PFKFB3: variants seen among roughly 807,000 people sequenced by gnomAD.
PFKFB3 encodes the protein 6-phosphofructo-2-kinase/fructose-2,6-bisphosphatase 3.
A neutral mutation model predicts 68.0 loss-of-function variants in PFKFB3; 33 were observed. The observed-to-expected ratio is 0.49, with a 90% CI of 0.37 to 0.65. The LOEUF is 0.65. Ranked by LOEUF, PFKFB3 falls within the 30% of genes least tolerant of loss-of-function variation. The pLI is 0.00. For synonymous variants in PFKFB3, 315 were observed against 288.2 expected (o/e 1.09, Z -0.94); for missense variants, 586 against 712.2 (o/e 0.82, Z 2.02).
chr10:6,268,166 A>G, the PFKFB3 span, among the ~76,000 whole-genome samples: 3 of 151,738 alleles, frequency 2.0e-5, no homozygotes, highest in East Asian at 3.9e-4. Flanking sequence ...GGTTATGTTG[A>G]GATTAGGTGT....
chr10:6,286,464 G>A, the PFKFB3 span, among the ~76,000 whole-genome samples: 1 of 151,832 alleles, frequency 6.6e-6, no homozygotes, highest in Non-Finnish European at 1.5e-5. Context: ...TGCAACCTCT[G>A]CCTCCTGGGT....
At chr10:6,221,012 C>T (rs910387325) in intron 8 of PFKFB3, 147 bp downstream of exon 8, 3 of 765,420 alleles carry the variant, frequency 3.9e-6, no homozygotes, top group African/African-American at 1.7e-5. Context: ...TGCGCCTGCA[C>T]GTCTCTATGC....
chr10:6,312,774 C>A, the PFKFB3 span, among the ~76,000 whole-genome samples: 1 of 152,180 alleles, frequency 6.6e-6, no homozygotes, highest in Non-Finnish European at 1.5e-5. Context: ...AGTCAACTTC[C>A]AACACATGTC....
At chr10:6,218,244 G>A (rs1416948712) in intron 6 of PFKFB3, among the ~76,000 whole-genome samples, 1 of 152,090 alleles carries the variant, frequency 6.6e-6, no homozygotes, top group African/African-American at 2.4e-5. Flanking sequence ...TTGTCTGGTT[G>A]TCCACTAGCA....
the PFKFB3 span, among the ~76,000 whole-genome samples, chr10:6,308,605 T>G: frequency 6.6e-6 from 1 of 152,132 alleles, no homozygotes; most frequent in Non-Finnish European, 1.5e-5. Context: ...CTCCTTTAAT[T>G]TATTCAGATA....
the PFKFB3 span, among the ~76,000 whole-genome samples, chr10:6,300,843 C>T: frequency 3.3e-5 from 5 of 152,132 alleles, no homozygotes; most frequent in African/African-American, 1.2e-4. Context: ...GGCGATTATG[C>T]TGTAGGTACT....
At chr10:6,144,957 G>A in exon 1 of PFKFB3, 1 of 1,271,128 alleles carries the variant, frequency 7.9e-7, no homozygotes, top group South Asian at 2.7e-5. Flanking sequence ...CGTCCTGTCT[G>A]GGTGTCGCGG....
intron 1 of PFKFB3, among the ~76,000 whole-genome samples, chr10:6,172,078 A>C (rs1194162191): frequency 6.6e-6 from 1 of 152,160 alleles, no homozygotes; most frequent in Non-Finnish European, 1.5e-5. Context: ...TCCGGGACAG[A>C]TACTCTGACG....
At chr10:6,195,255 G>A (rs1181713101) in intron 1 of PFKFB3, among the ~76,000 whole-genome samples, 2 of 152,198 alleles carry the variant, frequency 1.3e-5, no homozygotes, top group African/African-American at 2.4e-5. Flanking sequence ...GGGGTGGGGT[G>A]GTTTAGGCAT....
At chr10:6,183,894 G>A (rs1362897623) in intron 1 of PFKFB3, among the ~76,000 whole-genome samples, 1 of 151,424 alleles carries the variant, frequency 6.6e-6, no homozygotes, top group Admixed American at 6.6e-5. Flanking sequence ...GTTTCACCGT[G>A]TTAGCCAGGG....
At chr10:6,170,841 G>A (rs1027683070) in intron 1 of PFKFB3, among the ~76,000 whole-genome samples, 1 of 151,932 alleles carries the variant, frequency 6.6e-6, no homozygotes, top group Non-Finnish European at 1.5e-5. Context: ...AAAAGCCCAA[G>A]GATAAAGTCC....
At chr10:6,289,210 T>G in the PFKFB3 span, among the ~76,000 whole-genome samples, 2 of 135,474 alleles carry the variant, frequency 1.5e-5, no homozygotes, top group East Asian at 2.2e-4. Context: ...TTAGTTTAAT[T>G]AGATCTCATT....
chr10:6,289,841 G>A, the PFKFB3 span, among the ~76,000 whole-genome samples: 8 of 152,002 alleles, frequency 5.3e-5, no homozygotes, highest in South Asian at 6.3e-4. Context: ...CATGAGCATG[G>A]AATGTTCTTC....
chr10:6,255,732 C>A (rs1028186273), downstream of PFKFB3, among the ~76,000 whole-genome samples: 2 of 152,168 alleles, frequency 1.3e-5, no homozygotes, highest in Non-Finnish European at 2.9e-5. Flanking sequence ...CAGCAGTCGG[C>A]TGGGGAAGCT....
intron 1 of PFKFB3, among the ~76,000 whole-genome samples, chr10:6,156,150 T>TGTGTGA (rs1441991920): frequency 3.2e-4 from 49 of 151,912 alleles, no homozygotes; most frequent in African/African-American, 1.1e-3. Flanking sequence ...TGTGTGTGTG[T>TGTGTGA]GTGTGTGTGT....
At chr10:6,262,923 G>A in the PFKFB3 span, among the ~76,000 whole-genome samples, 2 of 152,152 alleles carry the variant, frequency 1.3e-5, no homozygotes, top group African/African-American at 4.8e-5. Flanking sequence ...TGGTTCCAGG[G>A]GAGTTGAAAG....
intron 1 of PFKFB3, among the ~76,000 whole-genome samples, chr10:6,150,784 C>T (rs945388585): frequency 1.3e-5 from 2 of 151,768 alleles, no homozygotes; most frequent in Non-Finnish European, 2.9e-5. Context: ...GATCACTTGA[C>T]GTCAGGAGTT....
the PFKFB3 span, among the ~76,000 whole-genome samples, chr10:6,285,421 C>G: frequency 6.6e-6 from 1 of 151,854 alleles, no homozygotes; most frequent in South Asian, 2.1e-4. Context: ...TTAGTAGAGA[C>G]GGGGTTTTAC....
chr10:6,226,512 G>C, intron 14 of PFKFB3, 147 bp downstream of exon 14: 1 of 694,222 alleles, frequency 1.4e-6, no homozygotes, highest in Non-Finnish European at 2.3e-6. Context: ...GTCTGTGCAC[G>C]TGTGTTGTGG....
Sources: allele counts gnomAD v4.1 joint callset (sites outside exome capture counted in the v4.1 genomes callset), GRCh38; gene constraint gnomAD v4.1.1; transcripts MANE v1.5; gene names NCBI Gene and HGNC (gene_info 2026-07-23, HGNC 2026-07-21).